BOD1L1: variants seen among roughly 807,000 people sequenced by gnomAD.
BOD1L1 encodes biorientation of chromosomes in cell division 1 like 1.
BOD1L1 carries 86 observed loss-of-function variants against 240.7 expected under a neutral mutation model. The ratio of observed to expected loss-of-function variants is 0.36; its 90% CI spans 0.30 to 0.43. The LOEUF is 0.43. Ranked by LOEUF, BOD1L1 falls within the 20% of genes least tolerant of loss-of-function variation. BOD1L1 has a pLI of 1.00. For missense variants in BOD1L1, 3,554 were observed against 3,643.5 expected (o/e 0.98, Z 0.63); for synonymous variants, 1,268 against 1,272.3 (o/e 1.00, Z 0.07).
chr4:13,599,747 G>A lies in BOD1L1; in HGVS notation c.7153C>T (p.Arg2385Trp), dbSNP rs202239933. The change falls in exon 10 of 26, where the codon CGG becomes TGG. Residue 2385 changes from arginine (R) to tryptophan (W), a missense_variant. By Grantham distance (101) the Arg-to-Trp change is moderately radical. Transcript: ENST00000040738. ...CCTCCCCTGACTGGCCCAGGACACC[G>A]ACAGTTATTCTCAGCAATTAGGCTG... ...MPSLIAENNCRCPGPVRGGKE... is the reference protein window; with the variant it reads ...MPSLIAENNCWCPGPVRGGKE... The A allele has an allele frequency of 3.0e-5, 49 of 1,613,928 alleles. No individual in the cohort carries two copies. Among genetic ancestry groups the A allele is most frequent in the Non-Finnish European group, 3.7e-5 (44 of 1,179,882 alleles).
intron 25 of BOD1L1, chr4:13,572,968 G>A: frequency 1.2e-6 from 1 of 840,502 alleles, no homozygotes; most frequent in Non-Finnish European, 1.6e-6. Flanking sequence ...CAGAAAAATG[G>A]TTGGTTTTCC....
intron 5 of BOD1L1, among the ~76,000 whole-genome samples, chr4:13,611,378 G>A (rs1390489749): frequency 6.6e-6 from 1 of 152,142 alleles, no homozygotes; most frequent in East Asian, 1.9e-4. Flanking sequence ...GAGTTTTCTG[G>A]AGCAAAGAAT....
chr4:13,619,513 TAAA>T (rs1423555581), intron 2 of BOD1L1, among the ~76,000 whole-genome samples: 1 of 152,076 alleles, frequency 6.6e-6, no homozygotes, highest in Non-Finnish European at 1.5e-5. Flanking sequence ...GGCACTGTAT[TAAA>T]AGAAGACGTG....
chr4:13,598,226 T>C (rs1261947417), intron 10 of BOD1L1, among the ~76,000 whole-genome samples: 2 of 152,240 alleles, frequency 1.3e-5, no homozygotes, highest in African/African-American at 2.4e-5. Context: ...GTCCAAAATC[T>C]GTCAGCAGGG....
chr4:13,571,459 C>T (rs972816849), intron 25 of BOD1L1, among the ~76,000 whole-genome samples: 3 of 152,150 alleles, frequency 2.0e-5, no homozygotes, highest in Non-Finnish European at 4.4e-5. Context: ...GTTGATAATC[C>T]ATTTCAAACT....
In BOD1L1 at chr4:13,604,034, G is replaced by A. The variant is rs201454538; in HGVS notation, c.2866C>T (p.Arg956Cys). Residue 956 changes from arginine to cysteine, a missense_variant, in exon 10 of 26, where the codon CGT (arginine) becomes TGT (cysteine). Arg to Cys is a radical substitution (Grantham distance 180, BLOSUM62 -3). Around this residue, in one of 2 missense-constraint regions of BOD1L1, gnomAD observed 3,393 missense variants for 3,427.1 expected, o/e 0.99. Transcript: ENST00000040738. ...GGTTTGTCTTCAACTTTAGACTTAC[G>A]CTGTTTTTCTGAGTCATTTTCTTCT... ...NTEENDSEKQ[R>C]KSKVEDKPFE... is the part of the protein sequence containing the mutation. 48 of 1,613,792 alleles carry A rather than the reference G, an allele frequency of 3.0e-5. No individual in the cohort carries two copies. Among genetic ancestry groups the A allele is most frequent in the African/African-American group, 2.4e-4 (18 of 75,018 alleles).
intron 18 of BOD1L1, 71 bp downstream of exon 18, chr4:13,582,581 C>T (rs980808588): frequency 1.7e-5 from 20 of 1,149,156 alleles, no homozygotes; most frequent in East Asian, 7.1e-5. Flanking sequence ...GCAAAATAGA[C>T]GTTTCGGTTG....
chr4:13,587,872 A>G, intron 15 of BOD1L1, 101 bp from the exon 16 acceptor site: 1 of 774,940 alleles, frequency 1.3e-6, no homozygotes, highest in South Asian at 2.0e-5. Context: ...GAATAAGTTG[A>G]TATATAAATT....
At position 13,576,927 on chromosome 4, in the gene BOD1L1, C is replaced by T; in HGVS notation, c.8949G>A (p.Glu2983=). Residue 2983 remains glutamate (E), a synonymous_variant, in exon 25 of 26, where the codon GAG becomes GAA. Transcript: ENST00000040738. ...SVSDPVEDKK[E]QESDEEEEEE... ...CTTCCTCTTCCTCATCAGACTCCTG[C>T]TCTTTCTTGTCCTCCACTGGATCAG... 1.9e-6 allele frequency: 3 copies of T among 1,614,008 alleles called. No homozygotes were observed. Among genetic ancestry groups the T allele is most frequent in the African/African-American group, 1.3e-5 (1 of 75,058 alleles).
chr4:13,614,828 G>A lies in BOD1L1; in HGVS notation c.560-18C>T. On this transcript the variant is annotated intron_variant, in intron 3 of 25. Coordinates refer to ENST00000040738, the MANE Select transcript of BOD1L1 (RefSeq NM_148894.3). ...AGGAACACCTTAAAGAAAAACAGAA[G>A]TTTTAGAATACATTTAATCAGAAGG... 1.3e-6 allele frequency: 2 copies of A among 1,578,150 alleles called. No homozygotes were observed. Among genetic ancestry groups the A allele is most frequent in the Non-Finnish European group, 1.7e-6 (2 of 1,165,044 alleles).
intron 12 of BOD1L1, 98 bp from the exon 13 acceptor site, chr4:13,592,064 ATGTCACC>A: frequency 1.5e-5 from 13 of 840,530 alleles, no homozygotes; most frequent in South Asian, 3.7e-5. Context: ...AACCTATCCT[ATGTCACC>A]AAGTGGCTTA....
chr4:13,602,949 GGTGCTGGCTGTGCTACCTTCCAAAACA>G lies in BOD1L1; in HGVS notation c.3924_3950del (p.Val1309_Thr1317del), dbSNP rs1715336086. On this transcript the variant is annotated inframe_deletion, in exon 10 of 26. Transcript: ENST00000040738. ...GGAGAGCAGAGTGATCCGCAGGGGA[GGTGCTGGCTGTGCTACCTTCCAAAACA>G]GTTCTTTTGTCAAACAGAGGAATTA... is the stretch of plus-strand genomic sequence containing the variant. 1 of 1,613,878 alleles carries G rather than the reference GGTGCTGGCTGTGCTACCTTCCAAAACA, an allele frequency of 6.2e-7. No homozygotes were observed. The highest frequency in any genetic ancestry group is 8.5e-7 in the Non-Finnish European group (1 of 1,179,896).
intron 25 of BOD1L1, among the ~76,000 whole-genome samples, chr4:13,575,934 TGCTCTAACACCAG>T (rs1299197205): frequency 7.1e-6 from 1 of 141,762 alleles, no homozygotes; most frequent in Non-Finnish European, 1.5e-5. Flanking sequence ...GATGGAGTCT[TGCTCTAACACCAG>T]GCTGGAGTGC....
Position 13,603,400 on chromosome 4 carries a change from A to C in BOD1L1, c.3500T>G (p.Leu1167Trp). The stretch of plus-strand genomic sequence containing the variant: ...TTTTGAATCTGCTGTGCAAGTTCTC[A>C]ATTCATCCTTTTGAACAGTGGCAGA... ...KTSATVQKDE[L>W]RTCTADSKAT... Residue 1167 changes from leucine (L) to tryptophan (W), a missense_variant, in exon 10 of 26, where the codon TTG becomes TGG. Physicochemically the swap from Leu to Trp is moderately conservative, Grantham distance 61 (BLOSUM62 -2). Around this residue, in one of 2 missense-constraint regions of BOD1L1, gnomAD observed 3,393 missense variants for 3,427.1 expected, o/e 0.99. Coordinates refer to ENST00000040738, the MANE Select transcript of BOD1L1 (RefSeq NM_148894.3). 1 of 1,613,920 alleles carries C rather than the reference A, an allele frequency of 6.2e-7. No individual in the cohort carries two copies. The highest frequency in any genetic ancestry group is 8.5e-7 in the Non-Finnish European group (1 of 1,179,884).
chr4:13,590,705 A>G (rs1714134680), intron 13 of BOD1L1, among the ~76,000 whole-genome samples: 3 of 152,246 alleles, frequency 2.0e-5, no homozygotes, highest in Admixed American at 2.0e-4. Flanking sequence ...GTAAGAATAA[A>G]TAAGAGAAAA....
In BOD1L1 at chr4:13,599,678, G is replaced by A. The variant is rs749692206; in HGVS notation, c.7222C>T (p.His2408Tyr). The change falls in exon 10 of 26, where the codon CAC becomes TAC. Residue 2408 changes from histidine (H) to tyrosine (Y), a missense_variant. Coordinates refer to ENST00000040738, the MANE Select transcript of BOD1L1 (RefSeq NM_148894.3). ...PVLAVSTEEGHNGPSVHKPSA... is the reference protein window; with the variant it reads ...PVLAVSTEEGYNGPSVHKPSA... ...GGCTTGTGGACTGATGGCCCGTTGT[G>A]CCCCTCCTCGGTGCTCACTGCCAAC... The A allele has an allele frequency of 6.2e-7, 1 of 1,613,820 alleles. No individual in the cohort carries two copies. The highest frequency in any genetic ancestry group is 1.1e-5 in the South Asian group (1 of 91,086).
At chr4:13,588,364 A>C (rs534764212) in intron 15 of BOD1L1, among the ~76,000 whole-genome samples, 1 of 152,326 alleles carries the variant, frequency 6.6e-6, no homozygotes, top group East Asian at 1.9e-4. Context: ...AAAATTATTT[A>C]TCATTTCACC....
In BOD1L1 at chr4:13,588,797, G is replaced by A. The variant is rs1335011559; in HGVS notation, c.8210-5C>T. Reference sequence around the variant, plus strand: ...CTTTTCTACCACTGGATATCTCTGAGTAATAAATACAAAAAAGAAAAAAAA... The same window carrying A: ...CTTTTCTACCACTGGATATCTCTGAATAATAAATACAAAAAAGAAAAAAAA... On this transcript the variant is annotated splice_region_variant and splice_polypyrimidine_tract_variant and intron_variant, in intron 14 of 25. Coordinates refer to ENST00000040738, the MANE Select transcript of BOD1L1 (RefSeq NM_148894.3). 1 of 1,574,286 alleles carries A rather than the reference G, an allele frequency of 6.4e-7. No homozygotes were observed. The highest frequency in any genetic ancestry group is 2.3e-5 in the East Asian group (1 of 43,786).
At chr4:13,584,261 T>C (rs1466939735) in intron 17 of BOD1L1, among the ~76,000 whole-genome samples, 1 of 152,136 alleles carries the variant, frequency 6.6e-6, no homozygotes, top group Non-Finnish European at 1.5e-5. Context: ...ACCTATTTGC[T>C]CTGTTATCAG....
Sources: gnomAD v4.1 joint callset for allele counts (sites outside exome capture counted in the v4.1 genomes callset) on GRCh38, gnomAD v4.1.1 for gene constraint, gnomAD v4.1.1 regional missense constraint, MANE v1.5 for transcripts, NCBI Gene and HGNC (gene_info 2026-07-23, HGNC 2026-07-21) for gene names.